Variants in SH3D19 observed in about 807,000 individuals in gnomAD.
The protein encoded by SH3D19 is SH3 domain-containing protein 19.
In SH3D19, 58 loss-of-function variants were observed where a neutral mutation model predicts 112.1. That is an observed-to-expected ratio of 0.52 (90% CI 0.42 to 0.64). The LOEUF (loss-of-function observed/expected upper bound fraction) is 0.64, where lower values mean the gene tolerates loss of function less well. Ranked by LOEUF, SH3D19 falls within the 30% of genes least tolerant of loss-of-function variation. SH3D19 has a pLI of 0.00. For missense variants in SH3D19, 1,090 were observed against 1,263.4 expected (o/e 0.86, Z 2.08); for synonymous variants, 391 against 448.5 (o/e 0.87, Z 1.62).
chr4:151,177,000 G>C, intron 4 of SH3D19, 45 bp from the exon 5 acceptor site: 1 of 1,229,874 alleles, frequency 8.1e-7, no homozygotes, highest in Non-Finnish European at 1.0e-6. Flanking sequence ...ATGGTAACAA[G>C]CTATTGTCTA....
chr4:151,127,590 G>T, intron 19 of SH3D19, 28 bp downstream of exon 19: 1 of 1,324,440 alleles, frequency 7.6e-7, no homozygotes, highest in Non-Finnish European at 1.1e-6. Context: ...AGTGCTTAAT[G>T]CAGTTATGAA....
At chr4:151,197,670 T>C (rs764308256) in intron 2 of SH3D19, among the ~76,000 whole-genome samples, 24 of 152,166 alleles carry the variant, frequency 1.6e-4, no homozygotes, top group Non-Finnish European at 3.2e-4. Context: ...GAAAAATCAG[T>C]GTGTTTAGAC....
chr4:151,124,066 C>G (rs890580036), intron 19 of SH3D19, among the ~76,000 whole-genome samples: 1 of 151,732 alleles, frequency 6.6e-6, no homozygotes, highest in Non-Finnish European at 1.5e-5. Context: ...TTATTTAGGT[C>G]TGGTCCAAAC....
chr4:151,291,188 G>C (rs368365096), intron 1 of SH3D19: 1 of 1,613,948 alleles, frequency 6.2e-7, no homozygotes, highest in South Asian at 1.1e-5. Flanking sequence ...GTAAGCTGGG[G>C]ATTAGAATGT....
At chr4:151,202,250 G>A (rs1580133547) in intron 2 of SH3D19, among the ~76,000 whole-genome samples, 1 of 152,152 alleles carries the variant, frequency 6.6e-6, no homozygotes, top group Non-Finnish European at 1.5e-5. Flanking sequence ...CAGGAGAATC[G>A]CTTGAACTCA....
At chr4:151,299,973 G>A (rs189405044) in intron 1 of SH3D19, among the ~76,000 whole-genome samples, 9 of 152,124 alleles carry the variant, frequency 5.9e-5, no homozygotes, top group East Asian at 1.9e-4. Flanking sequence ...AGGCCAAGGC[G>A]GGCAGATCAC....
chr4:151,169,500 A>C (rs1758678512), intron 7 of SH3D19, among the ~76,000 whole-genome samples: 1 of 152,142 alleles, frequency 6.6e-6, no homozygotes, highest in Non-Finnish European at 1.5e-5. Flanking sequence ...AAACAGCATC[A>C]CTTCAATGAG....
intron 1 of SH3D19, among the ~76,000 whole-genome samples, chr4:151,236,481 T>A (rs1770057127): frequency 6.6e-6 from 1 of 152,230 alleles, no homozygotes; most frequent in Admixed American, 6.5e-5. Flanking sequence ...GGAGAACTTT[T>A]CTGTCTAGCT....
chr4:151,158,448 C>T (rs1182883665), intron 9 of SH3D19, among the ~76,000 whole-genome samples: 2 of 151,954 alleles, frequency 1.3e-5, no homozygotes, highest in Non-Finnish European at 2.9e-5. Context: ...TACAGGCACA[C>T]GACACCACGT....
intron 1 of SH3D19, among the ~76,000 whole-genome samples, chr4:151,259,910 G>A (rs569523474): frequency 6.6e-6 from 1 of 152,140 alleles, no homozygotes; most frequent in South Asian, 2.1e-4. Flanking sequence ...CTACCCAGGA[G>A]ACATCCCCCA....
chr4:151,229,170 C>T (rs572797124), intron 1 of SH3D19, among the ~76,000 whole-genome samples: 2 of 152,064 alleles, frequency 1.3e-5, no homozygotes, highest in Admixed American at 6.5e-5. Context: ...CTGTGCTCAG[C>T]CTTCCAATTT....
At chr4:151,235,994 T>C (rs1443950347) in intron 1 of SH3D19, among the ~76,000 whole-genome samples, 1 of 152,222 alleles carries the variant, frequency 6.6e-6, no homozygotes, top group African/African-American at 2.4e-5. Context: ...CCAACTGCTA[T>C]AGGGCCAGGC....
intron 11 of SH3D19, among the ~76,000 whole-genome samples, chr4:151,146,501 G>A (rs1045687183): frequency 1.7e-4 from 26 of 151,900 alleles, no homozygotes; most frequent in Non-Finnish European, 3.4e-4. Context: ...CCTGATCAAA[G>A]TAGAGAACAC....
chr4:151,282,544 TA>T, intron 1 of SH3D19: 1 of 866,094 alleles, frequency 1.2e-6, no homozygotes, highest in Non-Finnish European at 1.7e-6. Flanking sequence ...TGATATTATC[TA>T]TAAGTTTTTA....
chr4:151,313,633 T>C (rs1224843491), intron 1 of SH3D19, among the ~76,000 whole-genome samples: 1 of 152,084 alleles, frequency 6.6e-6, no homozygotes, highest in Non-Finnish European at 1.5e-5. Context: ...GCCCAGGCTG[T>C]GCACATTTTA....
intron 2 of SH3D19, among the ~76,000 whole-genome samples, chr4:151,210,984 A>C (rs1765876835): frequency 6.6e-6 from 1 of 152,030 alleles, no homozygotes; most frequent in African/African-American, 2.4e-5. Flanking sequence ...CCCCCATCTC[A>C]TCTCAGCCGT....
intron 2 of SH3D19, among the ~76,000 whole-genome samples, chr4:151,211,134 G>A (rs1765902699): frequency 6.6e-6 from 1 of 152,108 alleles, no homozygotes; most frequent in South Asian, 2.1e-4. Context: ...GCCAAGCGTG[G>A]TGGTGCATGC....
intron 1 of SH3D19, chr4:151,277,247 GA>G: frequency 6.7e-7 from 1 of 1,482,684 alleles, no homozygotes; most frequent in Non-Finnish European, 9.0e-7. Flanking sequence ...GTGGGGTTGA[GA>G]AGGCAGAGGC....
chr4:151,249,010 G>A (rs1196963905), intron 1 of SH3D19, among the ~76,000 whole-genome samples: 5 of 152,242 alleles, frequency 3.3e-5, no homozygotes, highest in Middle Eastern at 3.4e-3. Flanking sequence ...GACATAAAGT[G>A]AGCCTCAAAA....
Sources: gnomAD v4.1 joint callset for allele counts (sites outside exome capture counted in the v4.1 genomes callset) on GRCh38, gnomAD v4.1.1 for gene constraint, MANE v1.5 for transcripts, NCBI Gene and HGNC (gene_info 2026-07-23, HGNC 2026-07-21) for gene names.